Variants in WIPF3 observed in about 807,000 individuals in gnomAD.
The protein encoded by WIPF3 is WAS/WASL-interacting protein family member 3.
In WIPF3, 33 loss-of-function variants were observed where a neutral mutation model predicts 38.9. The observed-to-expected ratio is 0.85, with a 90% CI of 0.64 to 1.14. The LOEUF (loss-of-function observed/expected upper bound fraction) is 1.14, where lower values mean the gene tolerates loss of function less well. Ranked by LOEUF, WIPF3 falls within the 50% of genes most tolerant of loss-of-function variation. WIPF3 has a pLI of 0.00. For synonymous variants in WIPF3, 324 were observed against 269.3 expected (o/e 1.20, Z -1.99); for missense variants, 711 against 652.5 (o/e 1.09, Z -0.98).
chr7:29,896,280 GAGATCCTCTCTAGCCTGCGCAACAGT>G, intron 7 of WIPF3, among the ~76,000 whole-genome samples: 2 of 15,746 alleles, frequency 1.3e-4, no homozygotes, highest in Admixed American at 6.7e-4. Flanking sequence ...GGGCAACAGT[GAGATCCTCTCTAGCCTGCGCAACAGT>G]GAGATCCTCT....
intron 2 of WIPF3, among the ~76,000 whole-genome samples, chr7:29,835,140 A>G (rs1548606): frequency 0.52 from 78,470 of 151,644 alleles, 20,714 homozygotes; most frequent in Middle Eastern, 0.63. Context: ...GCAATGGGCC[A>G]TGCCAAAGTG....
intron 8 of WIPF3, chr7:29,912,551 G>A (rs1453326193): frequency 4.7e-6 from 1 of 213,636 alleles, no homozygotes; most frequent in Non-Finnish European, 1.0e-5. Flanking sequence ...TCATGAGCGT[G>A]ATGATTGAGT....
chr7:29,889,361 TG>T lies in WIPF3; in HGVS notation c.1306del (p.Glu436AsnfsTer44). 1 of 1,613,990 alleles carries T rather than the reference TG, an allele frequency of 6.2e-7. No homozygotes were observed. Among genetic ancestry groups the T allele is most frequent in the South Asian group, 1.1e-5 (1 of 91,080 alleles). ...HSVEDFPPPD[E>X]YKPCQKIYPS... ...CTGTGGAAGACTTTCCCCCTCCGGA[TG>T]AATATAAACCATGCCAGAAGATTTA... On this transcript the variant is annotated frameshift_variant, in exon 7 of 9. Transcript: ENST00000242140. LOFTEE classifies it high-confidence loss of function.
At position 29,876,095 on chromosome 7, in the gene WIPF3, T is replaced by C. The variant is rs776421384; in HGVS notation, c.223+133T>C. 169 of 1,258,226 alleles carry C rather than the reference T, an allele frequency of 1.3e-4. 3 individuals carry two copies. The highest frequency in any genetic ancestry group is 1.3e-4 in the Non-Finnish European group (116 of 921,678). 77.9% of individuals were successfully genotyped at this position (1,258,226 alleles called of 1,614,324 possible). On this transcript the variant is annotated intron_variant, in intron 3 of 8. Transcript: ENST00000242140. Reference sequence around the variant, plus strand: ...ATGGAGCCATCTCAGACCTGCTCATTGGACAGGCCAAGTGGGCGAGAGAAC... The same window carrying C: ...ATGGAGCCATCTCAGACCTGCTCATCGGACAGGCCAAGTGGGCGAGAGAAC...
chr7:29,817,689 C>G (rs1040048711), intron 1 of WIPF3, among the ~76,000 whole-genome samples: 1 of 152,042 alleles, frequency 6.6e-6, no homozygotes, highest in African/African-American at 2.4e-5. Context: ...TTTCCAGGCT[C>G]TCAGGTCTAT....
chr7:29,846,529 G>A lies in WIPF3; in HGVS notation c.90+11715G>A, dbSNP rs140380420. Among the ~76,000 whole-genome samples, 375 of 152,250 alleles carry A rather than the reference G, an allele frequency of 2.5e-3. 3 individuals carry two copies. Among genetic ancestry groups the A allele is most frequent in the African/African-American group, 8.6e-3 (356 of 41,548 alleles). Reference sequence around the variant, plus strand: ...CAGCCTGGCCAATATGGTGAAACCCGATCTCTACTAAAAATACGAGAATTT... The same window carrying A: ...CAGCCTGGCCAATATGGTGAAACCCAATCTCTACTAAAAATACGAGAATTT... On this transcript the variant is annotated intron_variant, in intron 2 of 8. Coordinates refer to ENST00000242140, the MANE Select transcript of WIPF3 (RefSeq NM_001080529.3).
intron 1 of WIPF3, among the ~76,000 whole-genome samples, chr7:29,830,101 G>GA (rs11385420): frequency 0.52 from 76,186 of 147,368 alleles, 19,672 homozygotes; most frequent in Middle Eastern, 0.62. Flanking sequence ...ATTGTATCTG[G>GA]AAAAAAAAAA....
At chr7:29,837,359 A>AAAAC (rs796635213) in intron 2 of WIPF3, among the ~76,000 whole-genome samples, 2 of 152,252 alleles carry the variant, frequency 1.3e-5, no homozygotes, top group African/African-American at 2.4e-5. Flanking sequence ...CCGTCTCAAA[A>AAAAC]AAACAAACAA....
chr7:29,887,018 T>A (rs994783491), intron 5 of WIPF3, among the ~76,000 whole-genome samples: 1 of 152,042 alleles, frequency 6.6e-6, no homozygotes, highest in African/African-American at 2.4e-5. Context: ...AGGAAGGCAG[T>A]TGGGAGGAAG....
At chr7:29,818,554 T>C (rs1051993258) in intron 1 of WIPF3, among the ~76,000 whole-genome samples, 5 of 148,724 alleles carry the variant, frequency 3.4e-5, no homozygotes, top group Non-Finnish European at 4.5e-5. Context: ...ATAATATGTA[T>C]ACTTATTTAA....
chr7:29,883,586 A>T (rs1443046628), intron 4 of WIPF3, among the ~76,000 whole-genome samples: 2 of 152,126 alleles, frequency 1.3e-5, no homozygotes, highest in Admixed American at 6.5e-5. Flanking sequence ...CCCAAGGCAG[A>T]TGACAGCACA....
At chr7:29,875,282 C>A (rs766550367) in intron 2 of WIPF3, among the ~76,000 whole-genome samples, 13 of 152,132 alleles carry the variant, frequency 8.5e-5, no homozygotes, top group African/African-American at 1.4e-4. Context: ...TTAAGAGACA[C>A]AATGGGCCCA....
At chr7:29,880,154 A>C (rs1469692357) in intron 4 of WIPF3, among the ~76,000 whole-genome samples, 1 of 152,200 alleles carries the variant, frequency 6.6e-6, no homozygotes, top group African/African-American at 2.4e-5. Flanking sequence ...GAGAAAAAAA[A>C]CCTGTTTTTC....
At chr7:29,816,017 T>A (rs2128061823) in intron 1 of WIPF3, among the ~76,000 whole-genome samples, 1 of 152,328 alleles carries the variant, frequency 6.6e-6, no homozygotes, top group Admixed American at 6.5e-5. Context: ...AAGACCATTT[T>A]AATCTTTTTC....
At chr7:29,825,178 A>G (rs1287228995) in intron 1 of WIPF3, among the ~76,000 whole-genome samples, 2 of 152,160 alleles carry the variant, frequency 1.3e-5, no homozygotes, top group East Asian at 3.8e-4. Flanking sequence ...TTATTTTATG[A>G]TATTAATTGT....
chr7:29,892,034 C>T (rs1786035076), intron 7 of WIPF3, among the ~76,000 whole-genome samples: 2 of 152,166 alleles, frequency 1.3e-5, no homozygotes, highest in Non-Finnish European at 2.9e-5. Flanking sequence ...AGTGTGTGTC[C>T]ATATATAACA....
chr7:29,852,741 A>G (rs1413935515), intron 2 of WIPF3, among the ~76,000 whole-genome samples: 1 of 152,234 alleles, frequency 6.6e-6, no homozygotes, highest in Non-Finnish European at 1.5e-5. Context: ...CCCTGAACTC[A>G]GGATTTCTAA....
At chr7:29,894,985 T>G (rs1786107016) in intron 7 of WIPF3, among the ~76,000 whole-genome samples, 1 of 151,906 alleles carries the variant, frequency 6.6e-6, no homozygotes, top group East Asian at 1.9e-4. Context: ...GCAGTCTCAC[T>G]CGTTTGCCTA....
chr7:29,849,729 G>A (rs972027084), intron 2 of WIPF3, among the ~76,000 whole-genome samples: 8 of 152,164 alleles, frequency 5.3e-5, no homozygotes, highest in Non-Finnish European at 1.0e-4. Flanking sequence ...GTGCATACAC[G>A]TGTTTGTATT....
Sources: gnomAD v4.1 joint callset for allele counts (sites outside exome capture counted in the v4.1 genomes callset) on GRCh38, gnomAD v4.1.1 for gene constraint, MANE v1.5 for transcripts, NCBI Gene and HGNC (gene_info 2026-07-23, HGNC 2026-07-21) for gene names.